The following TMEM233 variants were observed in gnomAD, a reference collection of about 807,000 sequenced individuals.
TMEM233 encodes transmembrane protein 233.
In TMEM233, 6 loss-of-function variants were observed where a neutral mutation model predicts 11.2. That is an observed-to-expected ratio of 0.54 (90% CI 0.29 to 1.06). TMEM233 has a LOEUF of 1.06. Ranked by LOEUF, TMEM233 falls within the 50% of genes least tolerant of loss-of-function variation. TMEM233 has a pLI of 0.08. For missense variants in TMEM233, 127 were observed against 144.7 expected, an observed-to-expected ratio of 0.88 and a Z score of 0.63; for synonymous variants, 59 against 55.8, an observed-to-expected ratio of 1.06 and a Z score of -0.26.
intron 1 of TMEM233, among the ~76,000 whole-genome samples, chr12:119,596,661 T>C (rs1232399803): frequency 6.6e-6 from 1 of 151,628 alleles, no homozygotes; most frequent in Non-Finnish European, 1.5e-5. Flanking sequence ...CCCGACTAAT[T>C]TTTGTATTTT....
chr12:119,612,680 G>A (rs1243990235), intron 1 of TMEM233, among the ~76,000 whole-genome samples: 1 of 150,664 alleles, frequency 6.6e-6, no homozygotes, highest in Non-Finnish European at 1.5e-5. Flanking sequence ...TGAACCGGGA[G>A]GCGGAGGTTG....
chr12:119,636,373 T>G (rs1237435200), intron 2 of TMEM233, among the ~76,000 whole-genome samples: 1 of 152,202 alleles, frequency 6.6e-6, no homozygotes, highest in Non-Finnish European at 1.5e-5. Context: ...CAAATATTTC[T>G]TATTGTTATT....
intron 1 of TMEM233, among the ~76,000 whole-genome samples, chr12:119,614,070 C>T (rs1041871427): frequency 6.6e-6 from 1 of 151,878 alleles, no homozygotes; most frequent in African/African-American, 2.4e-5. Flanking sequence ...GTGAGTTTCT[C>T]CCAGGGAAAT....
chr12:119,623,461 A>G (rs1447438992), intron 1 of TMEM233, among the ~76,000 whole-genome samples: 1 of 151,842 alleles, frequency 6.6e-6, no homozygotes, highest in African/African-American at 2.4e-5. Context: ...GCTTCTCAGC[A>G]GTTTGGGAGG....
chr12:119,606,659 C>T (rs954028325), intron 1 of TMEM233, among the ~76,000 whole-genome samples: 6 of 152,044 alleles, frequency 3.9e-5, no homozygotes, highest in African/African-American at 1.2e-4. Flanking sequence ...CAAAGAAAGC[C>T]TCACCAAGAG....
chr12:119,599,364 C>T (rs1468814098), intron 1 of TMEM233, among the ~76,000 whole-genome samples: 1 of 152,130 alleles, frequency 6.6e-6, no homozygotes, highest in Non-Finnish European at 1.5e-5. Context: ...GCTTATTTCA[C>T]ATTGCATGCC....
At chr12:119,654,174 TTAAA>T in the TMEM233 span, among the ~76,000 whole-genome samples, 1 of 151,946 alleles carries the variant, frequency 6.6e-6, no homozygotes, top group African/African-American at 2.4e-5. Context: ...TCAGAAACAA[TTAAA>T]TACAGAATAG....
At chr12:119,651,825 C>CAA in the TMEM233 span, among the ~76,000 whole-genome samples, 67 of 79,374 alleles carry the variant, frequency 8.4e-4, no homozygotes, top group Middle Eastern at 8.6e-3. Flanking sequence ...GACTCCGTCT[C>CAA]AAAAAAAAAA....
chr12:119,618,317 T>G (rs577102803), intron 1 of TMEM233, among the ~76,000 whole-genome samples: 4 of 152,264 alleles, frequency 2.6e-5, no homozygotes, highest in Non-Finnish European at 5.9e-5. Context: ...TAGGGAAGTA[T>G]GGAAGGGAAA....
chr12:119,612,088 G>A (rs1046726575), intron 1 of TMEM233, among the ~76,000 whole-genome samples: 1 of 151,932 alleles, frequency 6.6e-6, no homozygotes, highest in African/African-American at 2.4e-5. Context: ...CCGCCTCCCG[G>A]GTTCAAGTGA....
rs1308034846 is a variant in TMEM233 at position 119,642,848 on chromosome 12, C to A, written c.*2143C>A. 1 of 152,066 alleles carries A rather than the reference C, an allele frequency of 6.6e-6. No homozygotes were observed. Among genetic ancestry groups the A allele is most frequent in the South Asian group, 2.1e-4 (1 of 4,828 alleles). The allele number at this position is 152,066 out of a possible 1,614,324, so 9.4% of individuals were successfully genotyped here. On this transcript the variant is annotated 3_prime_UTR_variant, in exon 3 of 3. Coordinates refer to ENST00000426426, the MANE Select transcript of TMEM233 (RefSeq NM_001136534.3). ...CATCAGATTCAACCTGTCATTTTAC[C>A]CGGATGTTGTGATGAGCCAGCACTT... is the stretch of plus-strand genomic sequence containing the variant.
intron 1 of TMEM233, among the ~76,000 whole-genome samples, chr12:119,606,398 G>T (rs1954279856): frequency 2.0e-5 from 3 of 152,122 alleles, no homozygotes; most frequent in Admixed American, 2.0e-4. Context: ...GAATGAAGAT[G>T]ATGAGGATGG....
chr12:119,648,866 G>A, the TMEM233 span, among the ~76,000 whole-genome samples: 1 of 152,150 alleles, frequency 6.6e-6, no homozygotes, highest in Non-Finnish European at 1.5e-5. Context: ...ATTTAAACTT[G>A]AATTTTAAAG....
intron 1 of TMEM233, among the ~76,000 whole-genome samples, chr12:119,608,579 C>A (rs1051622111): frequency 7.9e-5 from 12 of 152,290 alleles, no homozygotes; most frequent in African/African-American, 2.9e-4. Flanking sequence ...ATCTCTAGCC[C>A]CTGCCGCCAT....
At chr12:119,609,742 G>T (rs539036497) in intron 1 of TMEM233, among the ~76,000 whole-genome samples, 1 of 152,244 alleles carries the variant, frequency 6.6e-6, no homozygotes, top group Non-Finnish European at 1.5e-5. Flanking sequence ...CAAGAATTGA[G>T]GTTTGGGAAC....
At chr12:119,597,669 G>C (rs925235503) in intron 1 of TMEM233, among the ~76,000 whole-genome samples, 1 of 152,128 alleles carries the variant, frequency 6.6e-6, no homozygotes, top group Non-Finnish European at 1.5e-5. Flanking sequence ...GTAGAACCAG[G>C]GGAGTCCTGG....
intron 2 of TMEM233, among the ~76,000 whole-genome samples, chr12:119,630,314 G>A (rs2136776034): frequency 6.6e-6 from 1 of 152,336 alleles, no homozygotes. Context: ...ATATAGGTCA[G>A]TGGAAGGTCT....
chr12:119,598,389 T>A (rs923227851), intron 1 of TMEM233, among the ~76,000 whole-genome samples: 1 of 152,218 alleles, frequency 6.6e-6, no homozygotes, highest in Non-Finnish European at 1.5e-5. Flanking sequence ...CTGAACCAAC[T>A]GGTCACTCTA....
At chr12:119,596,850 G>A (rs1954059428) in intron 1 of TMEM233, among the ~76,000 whole-genome samples, 1 of 152,178 alleles carries the variant, frequency 6.6e-6, no homozygotes, top group South Asian at 2.1e-4. Context: ...GAATGTGAAA[G>A]CTGTTTTAAG....
Sources: allele counts gnomAD v4.1 joint callset (sites outside exome capture counted in the v4.1 genomes callset), GRCh38; gene constraint gnomAD v4.1.1; transcripts MANE v1.5; gene names NCBI Gene and HGNC (gene_info 2026-07-23, HGNC 2026-07-21).